The following CUBN variants were observed in gnomAD, a reference collection of about 807,000 sequenced individuals.
The protein encoded by CUBN is cubilin.
In CUBN, 282 loss-of-function variants were observed where a neutral mutation model predicts 405.3. The ratio of observed to expected loss-of-function variants is 0.70; its 90% CI spans 0.63 to 0.77. The LOEUF (loss-of-function observed/expected upper bound fraction) is 0.77. Among genes scored for constraint, CUBN ranks in the 30% least tolerant of loss-of-function variants. The pLI is 0.00. For missense variants in CUBN, 4,514 were observed against 4,475.2 expected, an observed-to-expected ratio of 1.01 and a Z score of -0.25; for synonymous variants, 1,684 against 1,617.0, an observed-to-expected ratio of 1.04 and a Z score of -0.99.
chr10:16,835,844 G>A (rs1163213892), intron 63 of CUBN, among the ~76,000 whole-genome samples: 1 of 151,928 alleles, frequency 6.6e-6, no homozygotes, highest in Non-Finnish European at 1.5e-5. Context: ...AACTTTAAAT[G>A]GGTAAATTGT....
At chr10:17,074,907 A>G (rs1835820067) in intron 17 of CUBN, among the ~76,000 whole-genome samples, 1 of 152,174 alleles carries the variant, frequency 6.6e-6, no homozygotes, top group South Asian at 2.1e-4. Flanking sequence ...GATATTAAAA[A>G]GTCTTAAATT....
intron 28 of CUBN, among the ~76,000 whole-genome samples, chr10:17,001,585 C>T (rs1278165367): frequency 6.6e-6 from 1 of 152,234 alleles, no homozygotes; most frequent in Non-Finnish European, 1.5e-5. Flanking sequence ...GGCTTCACTT[C>T]TCAAGATCAT....
intron 54 of CUBN, among the ~76,000 whole-genome samples, chr10:16,891,179 T>C (rs973748815): frequency 2.6e-5 from 4 of 152,178 alleles, no homozygotes; most frequent in South Asian, 2.1e-4. Flanking sequence ...ACTGAATTTA[T>C]ATACTCATGC....
intron 36 of CUBN, among the ~76,000 whole-genome samples, chr10:16,941,925 T>C (rs1241222137): frequency 6.6e-6 from 1 of 152,140 alleles, no homozygotes; most frequent in Non-Finnish European, 1.5e-5. Context: ...AGCATTTATC[T>C]AGCAAGGGAC....
intron 50 of CUBN, 143 bp from the exon 51 acceptor site, chr10:16,904,258 T>A: frequency 1.2e-6 from 1 of 806,980 alleles, no homozygotes; most frequent in Non-Finnish European, 2.1e-6. Context: ...ACAATATTTG[T>A]GTGTCTCTGT....
intron 27 of CUBN, among the ~76,000 whole-genome samples, chr10:17,036,387 G>T (rs1834900758): frequency 6.6e-6 from 1 of 152,204 alleles, no homozygotes; most frequent in African/African-American, 2.4e-5. Flanking sequence ...GGGAGCAGGA[G>T]CAGAGCCTTA....
chr10:16,865,515 C>G (rs1029845695), intron 59 of CUBN, among the ~76,000 whole-genome samples: 4 of 152,038 alleles, frequency 2.6e-5, no homozygotes, highest in Non-Finnish European at 5.9e-5. Context: ...AGAGGTGAAG[C>G]CAGTTGGACT....
At chr10:17,095,704 C>A (rs1186660363) in intron 14 of CUBN, among the ~76,000 whole-genome samples, 3 of 152,028 alleles carry the variant, frequency 2.0e-5, no homozygotes, top group African/African-American at 7.2e-5. Flanking sequence ...AAATTAAACA[C>A]AGAGCTACCA....
chr10:17,005,293 A>T (rs1158330945), intron 28 of CUBN, among the ~76,000 whole-genome samples: 1 of 152,056 alleles, frequency 6.6e-6, no homozygotes, highest in Admixed American at 6.6e-5. Flanking sequence ...TTGTTCGGAC[A>T]TTTTTTTCCA....
At chr10:17,017,505 A>T in intron 28 of CUBN, among the ~76,000 whole-genome samples, 1 of 152,152 alleles carries the variant, frequency 6.6e-6, no homozygotes, top group East Asian at 1.9e-4. Flanking sequence ...AGAGGGCCAT[A>T]TCCTGAGGAA....
intron 31 of CUBN, chr10:16,965,689 G>A (rs1200160744): frequency 6.5e-6 from 1 of 153,202 alleles, no homozygotes; most frequent in Admixed American, 6.6e-5. Context: ...TCTTGCTCAG[G>A]GAGAAAATTT....
Position 16,915,941 on chromosome 10 carries a change from C to A in CUBN, c.7090G>T (p.Glu2364Ter). The change falls in exon 46 of 67, where the codon GAG (glutamate) becomes TAG (stop). Residue 2364 changes from glutamate (E) to a stop codon, truncating the protein, a stop_gained. Coordinates refer to ENST00000377833, the MANE Select transcript of CUBN (RefSeq NM_001081.4). LOFTEE classifies it high-confidence loss of function. ...CCAGAGAGCCCCTGGAGATGCCACT[C>A]ACAGAATAAGTTGTCTCTGTATGGA... ...TLPYRDNLFC[E>*]WHLQGLSGHY... 1 of 1,614,108 alleles carries A rather than the reference C, an allele frequency of 6.2e-7. No individual in the cohort carries two copies. Among genetic ancestry groups the A allele is most frequent in the Non-Finnish European group, 8.5e-7 (1 of 1,179,992 alleles).
intron 17 of CUBN, among the ~76,000 whole-genome samples, chr10:17,079,432 T>C (rs1029875283): frequency 1.3e-5 from 2 of 151,590 alleles, no homozygotes; most frequent in Non-Finnish European, 2.9e-5. Context: ...AGATGGGGTT[T>C]CACACCACGT....
chr10:17,123,525 G>T, intron 5 of CUBN, 63 bp downstream of exon 5: 2 of 1,223,814 alleles, frequency 1.6e-6, no homozygotes, highest in South Asian at 1.3e-5. Flanking sequence ...TATGCCTGAT[G>T]ATTCCAAGGA....
At chr10:16,913,292 A>C in intron 48 of CUBN, among the ~76,000 whole-genome samples, 1 of 152,220 alleles carries the variant, frequency 6.6e-6, no homozygotes, top group Admixed American at 6.5e-5. Flanking sequence ...ATTCACACTC[A>C]GGGATCTCAT....
intron 50 of CUBN, among the ~76,000 whole-genome samples, chr10:16,905,305 T>C (rs1485913576): frequency 6.6e-6 from 1 of 152,088 alleles, no homozygotes; most frequent in African/African-American, 2.4e-5. Flanking sequence ...AGAAAGAAAA[T>C]TGATTCATCC....
intron 22 of CUBN, among the ~76,000 whole-genome samples, chr10:17,059,756 G>A (rs140397151): frequency 5.0e-4 from 76 of 152,312 alleles, no homozygotes; most frequent in African/African-American, 1.8e-3. Context: ...TCTGCTAGGC[G>A]GTCATGGTCA....
intron 37 of CUBN, 59 bp from the exon 38 acceptor site, chr10:16,939,206 G>GA (rs1156862388): frequency 1.4e-5 from 20 of 1,380,628 alleles, no homozygotes; most frequent in Admixed American, 1.0e-4. Context: ...TTAATCAAAT[G>GA]AAAAAAACAA....
At chr10:16,960,948 G>A (rs914896130) in intron 31 of CUBN, among the ~76,000 whole-genome samples, 7 of 152,274 alleles carry the variant, frequency 4.6e-5, no homozygotes, top group South Asian at 2.1e-4. Context: ...CATTGGACCC[G>A]TCCCCAAGGC....
Sources: gnomAD v4.1 joint callset for allele counts (sites outside exome capture counted in the v4.1 genomes callset) on GRCh38, gnomAD v4.1.1 for gene constraint, MANE v1.5 for transcripts, NCBI Gene and HGNC (gene_info 2026-07-23, HGNC 2026-07-21) for gene names.